SGCG: variants seen among roughly 807,000 people sequenced by gnomAD.
SGCG encodes the protein sarcoglycan gamma.
Under a neutral mutation model 29.3 loss-of-function variants are expected in SGCG, and 26 were observed. The ratio of observed to expected loss-of-function variants is 0.89; its 90% CI spans 0.65 to 1.23. The LOEUF (loss-of-function observed/expected upper bound fraction) is 1.23, where lower values mean the gene tolerates loss of function less well. Among genes scored for constraint, SGCG ranks in the 50% most tolerant of loss-of-function variants. SGCG has a pLI of 0.00. For missense variants in SGCG, 353 were observed against 356.0 expected (o/e 0.99, Z 0.07); for synonymous variants, 145 against 129.7 (o/e 1.12, Z -0.80).
At chr13:23,241,194 C>T (rs1879497979) in intron 3 of SGCG, among the ~76,000 whole-genome samples, 1 of 149,802 alleles carries the variant, frequency 6.7e-6, no homozygotes, top group Admixed American at 6.6e-5. Context: ...ACCTCAGTTT[C>T]ATCCTTAAGA....
chr13:23,276,746 C>A (rs1056852482), intron 4 of SGCG, among the ~76,000 whole-genome samples: 2 of 152,210 alleles, frequency 1.3e-5, no homozygotes, highest in African/African-American at 4.8e-5. Context: ...GAAGCATGAA[C>A]TCTTTCTTCC....
chr13:23,317,194 C>A (rs75624741), intron 6 of SGCG, among the ~76,000 whole-genome samples: 1 of 147,312 alleles, frequency 6.8e-6, no homozygotes. Flanking sequence ...GACTCCGTCT[C>A]AAAAAAAAAA....
At chr13:23,302,883 G>C (rs1449557288) in intron 6 of SGCG, among the ~76,000 whole-genome samples, 10 of 152,042 alleles carry the variant, frequency 6.6e-5, no homozygotes. Context: ...TAAGTAAGTA[G>C]GTATGAATCA....
chr13:23,295,636 G>T, intron 6 of SGCG, 149 bp downstream of exon 6: 1 of 693,994 alleles, frequency 1.4e-6, no homozygotes, highest in South Asian at 1.6e-5. Flanking sequence ...TAACTAGATA[G>T]TATTTATTAA....
intron 4 of SGCG, among the ~76,000 whole-genome samples, chr13:23,255,659 T>C (rs896934304): frequency 1.6e-4 from 24 of 152,284 alleles, no homozygotes; most frequent in Admixed American, 5.9e-4. Flanking sequence ...TGCCATCCCC[T>C]TGGTCATGAG....
At chr13:23,193,726 G>A (rs779604857) in intron 1 of SGCG, among the ~76,000 whole-genome samples, 4 of 152,160 alleles carry the variant, frequency 2.6e-5, no homozygotes, top group Non-Finnish European at 4.4e-5. Flanking sequence ...TCAGATTAGA[G>A]TAGAGAGTTC....
intron 4 of SGCG, among the ~76,000 whole-genome samples, chr13:23,277,572 A>AATGCATT (rs1470984973): frequency 2.6e-5 from 4 of 152,202 alleles, no homozygotes; most frequent in African/African-American, 7.2e-5. Context: ...AAAACGGATC[A>AATGCATT]ATGCATTAAT....
chr13:23,207,031 C>T (rs1455610850), intron 2 of SGCG, among the ~76,000 whole-genome samples: 2 of 125,166 alleles, frequency 1.6e-5, no homozygotes. Context: ...GAAAGAAAAA[C>T]AACGCTAGAG....
rs369873109 is a variant in SGCG at position 23,240,875 on chromosome 13, C to T, written c.297+6163C>T. ...TATATTAAAAAAGAAGAAAATTGGC[C>T]GGGTGCGGTGGCTCACGCCTGTAAT... On this transcript the variant is annotated intron_variant, in intron 3 of 7. Coordinates refer to ENST00000218867, the MANE Select transcript of SGCG (RefSeq NM_000231.3). Among the ~76,000 whole-genome samples, 809 of 152,068 alleles carry T rather than the reference C, an allele frequency of 5.3e-3. 2 individuals are homozygous for T. The highest frequency in any genetic ancestry group is 0.014 in the Middle Eastern group (4 of 292).
chr13:23,201,102 CAG>C lies in SGCG; in HGVS notation c.1-2592_1-2591del, dbSNP rs1000703053. On this transcript the variant is annotated intron_variant, in intron 1 of 7. Transcript: ENST00000218867. ...ACTGTAGGAGATTTAGAGCCACAGG[CAG>C]GGGGATAGTCAGGTGGCTGTTGCAG... is the stretch of plus-strand genomic sequence containing the variant. Among the ~76,000 whole-genome samples, 9 of 152,236 alleles carry C rather than the reference CAG, an allele frequency of 5.9e-5. 1 individual carries two copies. The East Asian group carries it at 1.5e-3, about 26-fold the overall frequency.
At chr13:23,250,506 G>A (rs1464879908) in intron 3 of SGCG, 124 bp from the exon 4 acceptor site, 2 of 654,132 alleles carry the variant, frequency 3.1e-6, no homozygotes, top group Non-Finnish European at 5.5e-6. Flanking sequence ...CAAATTTATA[G>A]GATTTCCAGG....
At chr13:23,200,084 G>C (rs568682524) in intron 1 of SGCG, among the ~76,000 whole-genome samples, 8 of 152,044 alleles carry the variant, frequency 5.3e-5, no homozygotes, top group African/African-American at 1.7e-4. Context: ...AAATTCTGAA[G>C]TAACACTCAA....
intron 1 of SGCG, among the ~76,000 whole-genome samples, chr13:23,190,664 A>G (rs1024695441): frequency 1.2e-4 from 18 of 152,176 alleles, no homozygotes; most frequent in African/African-American, 4.3e-4. Flanking sequence ...CCTTTATGAA[A>G]CTTATAATTC....
intron 2 of SGCG, among the ~76,000 whole-genome samples, chr13:23,232,623 A>G (rs1382476110): frequency 6.6e-6 from 1 of 152,132 alleles, no homozygotes; most frequent in Non-Finnish European, 1.5e-5. Flanking sequence ...TCTATTAAAA[A>G]TACAAAAAAT....
chr13:23,232,832 G>T (rs747862630), intron 2 of SGCG, among the ~76,000 whole-genome samples: 1 of 152,212 alleles, frequency 6.6e-6, no homozygotes, highest in African/African-American at 2.4e-5. Flanking sequence ...AGATATATGG[G>T]TATGAAGCTC....
At chr13:23,227,484 ACTGTATGTAAAAGT>A (rs1375299002) in intron 2 of SGCG, among the ~76,000 whole-genome samples, 7 of 152,166 alleles carry the variant, frequency 4.6e-5, no homozygotes, top group African/African-American at 1.4e-4. Flanking sequence ...CGCCATACAA[ACTGTATGTAAAAGT>A]CTGTAGCAGC....
At chr13:23,268,325 T>C (rs538996389) in intron 4 of SGCG, 2 of 152,256 alleles carry the variant, frequency 1.3e-5, no homozygotes, top group Non-Finnish European at 2.9e-5. Flanking sequence ...TACCCTCACA[T>C]TGTGACTAAA....
intron 4 of SGCG, among the ~76,000 whole-genome samples, chr13:23,252,986 C>A (rs1040932610): frequency 4.0e-5 from 6 of 151,470 alleles, no homozygotes; most frequent in African/African-American, 1.5e-4. Context: ...GAAATTATGG[C>A]ATGCTAGTAA....
At chr13:23,218,912 A>AAT (rs1374840523) in intron 2 of SGCG, among the ~76,000 whole-genome samples, 1 of 148,052 alleles carries the variant, frequency 6.8e-6, no homozygotes, top group Non-Finnish European at 1.5e-5. Flanking sequence ...TAACAATATA[A>AAT]ATATATATAT....
Sources: allele counts gnomAD v4.1 joint callset (sites outside exome capture counted in the v4.1 genomes callset), GRCh38; gene constraint gnomAD v4.1.1; transcripts MANE v1.5; gene names NCBI Gene and HGNC (gene_info 2026-07-23, HGNC 2026-07-21).